Variants in LYRM4 observed in about 807,000 individuals in gnomAD.
The protein encoded by LYRM4 is LYR motif-containing protein 4.
A neutral mutation model predicts 11.7 loss-of-function variants in LYRM4; 9 were observed. That is an observed-to-expected ratio of 0.77 (90% CI 0.46 to 1.34). The LOEUF is 1.34. Among genes scored for constraint, LYRM4 ranks in the 40% most tolerant of loss-of-function variants. The pLI, the probability that LYRM4 is intolerant of heterozygous loss-of-function variation, is 0.00. For synonymous variants in LYRM4, 42 were observed against 40.4 expected (o/e 1.04, Z -0.15); for missense variants, 133 against 112.5 (o/e 1.18, Z -0.82).
the LYRM4 span, among the ~76,000 whole-genome samples, chr6:5,097,819 G>A: frequency 0.64 from 96,297 of 151,644 alleles, 31,363 homozygotes; most frequent in East Asian, 0.8. Context: ...TATTAAGCAT[G>A]CACATTGTTA....
At chr6:5,101,606 G>T (rs943280815), downstream of LYRM4, among the ~76,000 whole-genome samples, 1 of 152,146 alleles carries the variant, frequency 6.6e-6, no homozygotes, top group Admixed American at 6.5e-5. Context: ...ATACCTGGGG[G>T]CTGCATATAG....
chr6:5,123,663 G>C (rs549299525), intron 2 of LYRM4, among the ~76,000 whole-genome samples: 2 of 152,184 alleles, frequency 1.3e-5, no homozygotes, highest in African/African-American at 4.8e-5. Context: ...GCTCCCATCT[G>C]GCCTGGTAGG....
chr6:5,114,050 G>C (rs949089930), intron 2 of LYRM4, among the ~76,000 whole-genome samples: 1 of 152,184 alleles, frequency 6.6e-6, no homozygotes, highest in Non-Finnish European at 1.5e-5. Context: ...GCTAGAGGTG[G>C]CCAATGAGGT....
rs1561911304 is a variant in LYRM4, at chr6:5,260,634, G to A, written c.86+14C>T. 6.6e-7 allele frequency: 1 copy of A among 1,513,796 alleles called. No homozygotes were observed. Among genetic ancestry groups the A allele is most frequent in the Admixed American group, 2.0e-5 (1 of 50,042 alleles). The allele number at this position is 1,513,796 out of a possible 1,614,324, so 93.8% of individuals were successfully genotyped here. ...TGGCCCCCCGCCCCCGGCCCCCGGTGCCCGCTGGGTCACCTGTAATTGTAG... is the reference window on the plus strand; with the variant it reads ...TGGCCCCCCGCCCCCGGCCCCCGGTACCCGCTGGGTCACCTGTAATTGTAG... On this transcript the variant is annotated intron_variant, in intron 1 of 2. Coordinates refer to ENST00000330636, the MANE Select transcript of LYRM4 (RefSeq NM_020408.6).
the LYRM4 span, among the ~76,000 whole-genome samples, chr6:5,081,027 A>G: frequency 6.6e-6 from 1 of 152,020 alleles, no homozygotes; most frequent in Admixed American, 6.5e-5. Flanking sequence ...TTATGCAGCA[A>G]TAGGTAACAC....
chr6:5,250,926 A>T (rs1764400890), intron 1 of LYRM4, among the ~76,000 whole-genome samples: 2 of 152,348 alleles, frequency 1.3e-5, no homozygotes, highest in Admixed American at 1.3e-4. Flanking sequence ...AATGTTATTT[A>T]AAAAATATTT....
chr6:5,234,189 C>T (rs945675267), intron 1 of LYRM4, among the ~76,000 whole-genome samples: 6 of 152,220 alleles, frequency 3.9e-5, no homozygotes, highest in Non-Finnish European at 2.9e-5. Flanking sequence ...AACTGCTTTA[C>T]ATTTGAAGCA....
At chr6:5,040,146 A>G in the LYRM4 span, among the ~76,000 whole-genome samples, 1 of 152,140 alleles carries the variant, frequency 6.6e-6, no homozygotes, top group African/African-American at 2.4e-5. Flanking sequence ...GCGAGACCCC[A>G]TCTCTACAAA....
the LYRM4 span, among the ~76,000 whole-genome samples, chr6:5,071,847 G>C: frequency 6.9e-3 from 1,052 of 152,212 alleles, 21 homozygotes; most frequent in African/African-American, 0.024. Context: ...GTTTCACCAT[G>C]TTGGCCAGGC....
chr6:5,191,395 GTC>G (rs1280952506), intron 2 of LYRM4, among the ~76,000 whole-genome samples: 6 of 152,162 alleles, frequency 3.9e-5, no homozygotes, highest in Admixed American at 3.3e-4. Flanking sequence ...CTGACCCCAT[GTC>G]TCTGAGTGGA....
intron 2 of LYRM4, among the ~76,000 whole-genome samples, chr6:5,121,714 C>A (rs1763466053): frequency 6.6e-6 from 1 of 152,234 alleles, no homozygotes; most frequent in Non-Finnish European, 1.5e-5. Context: ...AGGCAAACTG[C>A]CAGAGGTAAT....
chr6:5,243,002 T>C (rs577644092), intron 1 of LYRM4, among the ~76,000 whole-genome samples: 9 of 151,788 alleles, frequency 5.9e-5, no homozygotes, highest in African/African-American at 1.9e-4. Flanking sequence ...CTCGATCTCC[T>C]GACCTCATGA....
intron 2 of LYRM4, among the ~76,000 whole-genome samples, chr6:5,115,136 C>T (rs1451261384): frequency 6.6e-6 from 1 of 152,206 alleles, no homozygotes; most frequent in Non-Finnish European, 1.5e-5. Context: ...AACATTTAGA[C>T]TGTTTCCACT....
At chr6:5,107,772 A>G (rs1762705686), downstream of LYRM4, 1 of 152,162 alleles carries the variant, frequency 6.6e-6, no homozygotes, top group Non-Finnish European at 1.5e-5. Context: ...TCATGCCTGT[A>G]ATACCAGCAC....
intron 2 of LYRM4, among the ~76,000 whole-genome samples, chr6:5,148,962 T>C (rs1406196292): frequency 6.6e-6 from 1 of 152,210 alleles, no homozygotes; most frequent in African/African-American, 2.4e-5. Flanking sequence ...AAAATTTCAT[T>C]TTTGACATGA....
chr6:5,141,055 C>G (rs1206512915), intron 2 of LYRM4, among the ~76,000 whole-genome samples: 1 of 152,204 alleles, frequency 6.6e-6, no homozygotes. Context: ...GGATGTTCAG[C>G]TTTTTAATCT....
intron 1 of LYRM4, among the ~76,000 whole-genome samples, chr6:5,256,100 T>C (rs1344249550): frequency 1.3e-5 from 2 of 151,772 alleles, no homozygotes; most frequent in East Asian, 2.0e-4. Flanking sequence ...GAAATCCTAG[T>C]TTAAGGTGAG....
Position 5,197,953 on chromosome 6 carries a change from C to T in LYRM4, c.207+18665G>A, listed in dbSNP as rs572021714. ...TGGGAGGCTGAGGTGGGCGGATCACCTGAGGTCAGGAGTGCAAGACCAGCC... is the reference window on the plus strand; with the variant it reads ...TGGGAGGCTGAGGTGGGCGGATCACTTGAGGTCAGGAGTGCAAGACCAGCC... On this transcript the variant is annotated intron_variant, in intron 2 of 2. Coordinates refer to ENST00000330636, the MANE Select transcript of LYRM4 (RefSeq NM_020408.6). Among the ~76,000 whole-genome samples, 192 of 151,810 alleles carry T rather than the reference C, an allele frequency of 1.3e-3. 1 individual carries two copies. The highest frequency in any genetic ancestry group is 4.3e-3 in the African/African-American group (179 of 41,442).
chr6:5,086,297 C>G, the LYRM4 span: 1 of 1,535,616 alleles, frequency 6.5e-7, no homozygotes, highest in Non-Finnish European at 8.7e-7. Flanking sequence ...CAGCCCGAGC[C>G]GCTGGAGCCA....
Sources: gnomAD v4.1 joint callset for allele counts (sites outside exome capture counted in the v4.1 genomes callset) on GRCh38, gnomAD v4.1.1 for gene constraint, MANE v1.5 for transcripts, NCBI Gene and HGNC (gene_info 2026-07-23, HGNC 2026-07-21) for gene names.